The following LRBA variants were observed in gnomAD, a reference collection of about 807,000 sequenced individuals.
LRBA encodes the protein lipopolysaccharide-responsive and beige-like anchor protein.
In LRBA, 176 loss-of-function variants were observed where a neutral mutation model predicts 330.0. That is an observed-to-expected ratio of 0.53 (90% CI 0.47 to 0.60). The LOEUF (loss-of-function observed/expected upper bound fraction) is 0.60. Ranked by LOEUF, LRBA falls within the 20% of genes least tolerant of loss-of-function variation. The pLI is 0.00. For synonymous variants in LRBA, 1,230 were observed against 1,193.0 expected (o/e 1.03, Z -0.64); for missense variants, 3,259 against 3,444.8 (o/e 0.95, Z 1.35).
chr4:150,332,034 G>A (rs1734067418), intron 48 of LRBA, among the ~76,000 whole-genome samples: 1 of 152,054 alleles, frequency 6.6e-6, no homozygotes, highest in African/African-American at 2.4e-5. Context: ...ACAGTTCATG[G>A]CACATACTAA....
rs55743210 is a variant in LRBA at position 150,592,677 on chromosome 4, C to T, written c.6047-1818G>A. Among the ~76,000 whole-genome samples the T allele has an allele frequency of 1.6e-3, 243 of 152,252 alleles. 1 individual carries two copies. The highest frequency in any genetic ancestry group is 3.7e-3 in the Admixed American group (56 of 15,284). On this transcript the variant is annotated intron_variant, in intron 38 of 56. Transcript: ENST00000651943. ...TGAGACAGGATCCTGCTCTGTCACC[C>T]AGGCTGGAGTGCAAAGGCACAATAA...
At chr4:150,486,433 A>G (rs1211813304) in intron 42 of LRBA, among the ~76,000 whole-genome samples, 1 of 151,856 alleles carries the variant, frequency 6.6e-6, no homozygotes, top group African/African-American at 2.4e-5. Flanking sequence ...ATAAAACTTG[A>G]AAGAAAAAAT....
At chr4:150,403,494 T>A (rs1320906637) in intron 47 of LRBA, among the ~76,000 whole-genome samples, 1 of 152,136 alleles carries the variant, frequency 6.6e-6, no homozygotes, top group Non-Finnish European at 1.5e-5. Context: ...TTTCTAGCCA[T>A]CTTTTAACTT....
intron 47 of LRBA, among the ~76,000 whole-genome samples, chr4:150,371,181 A>ATTTTTTTTTTTTTTT (rs1274384749): frequency 5.8e-5 from 8 of 136,816 alleles, no homozygotes; most frequent in African/African-American, 2.2e-4. Flanking sequence ...CAAGCTACTA[A>ATTTTTTTTTTTTTTT]ATTTTTTTTT....
At chr4:150,327,645 C>T (rs764368216) in intron 48 of LRBA, among the ~76,000 whole-genome samples, 14 of 152,328 alleles carry the variant, frequency 9.2e-5, no homozygotes, top group African/African-American at 2.2e-4. Flanking sequence ...AGCTTATCTC[C>T]GTTTCCCATC....
chr4:150,872,538 T>C, intron 18 of LRBA, 125 bp downstream of exon 18: 1 of 601,844 alleles, frequency 1.7e-6, no homozygotes, highest in Admixed American at 3.3e-5. Flanking sequence ...ATTACATTTA[T>C]ACAGCAATTT....
At chr4:150,295,547 A>T (rs1222903734) in intron 53 of LRBA, among the ~76,000 whole-genome samples, 1 of 152,194 alleles carries the variant, frequency 6.6e-6, no homozygotes, top group Non-Finnish European at 1.5e-5. Context: ...GCTCATTATA[A>T]AACATTCAGA....
At chr4:150,799,419 A>G (rs995001407) in intron 33 of LRBA, among the ~76,000 whole-genome samples, 3 of 152,228 alleles carry the variant, frequency 2.0e-5, no homozygotes, top group Non-Finnish European at 4.4e-5. Context: ...CTGCAGGTGT[A>G]GCCCTCTGCT....
intron 47 of LRBA, among the ~76,000 whole-genome samples, chr4:150,391,920 G>A (rs921155621): frequency 3.0e-5 from 4 of 133,852 alleles, no homozygotes; most frequent in African/African-American, 1.1e-4. Flanking sequence ...ACTGTCATCT[G>A]AGTAACATAA....
At chr4:150,425,747 A>G (rs1464954331) in intron 46 of LRBA, among the ~76,000 whole-genome samples, 1 of 152,176 alleles carries the variant, frequency 6.6e-6, no homozygotes, top group Non-Finnish European at 1.5e-5. Context: ...CCAAAAAGAA[A>G]CAAGATAATC....
intron 37 of LRBA, among the ~76,000 whole-genome samples, chr4:150,602,224 C>T (rs1407922575): frequency 6.6e-6 from 1 of 152,132 alleles, no homozygotes; most frequent in Non-Finnish European, 1.5e-5. Flanking sequence ...AAAAGACCAA[C>T]AATTTCAATA....
chr4:150,640,681 C>T (rs962955220), intron 37 of LRBA, among the ~76,000 whole-genome samples: 1 of 152,170 alleles, frequency 6.6e-6, no homozygotes, highest in Non-Finnish European at 1.5e-5. Flanking sequence ...ATAGTTAATA[C>T]TCCTTTTATC....
chr4:150,331,331 T>C (rs1021373996), intron 48 of LRBA, among the ~76,000 whole-genome samples: 2 of 152,048 alleles, frequency 1.3e-5, no homozygotes, highest in South Asian at 4.2e-4. Context: ...GCAAGGTGGG[T>C]TGGTAATAGG....
At position 150,321,360 on chromosome 4, in the gene LRBA, C is replaced by A; in HGVS notation, c.7461G>T (p.Leu2487Phe). 6.3e-7 allele frequency: 1 copy of A among 1,596,288 alleles called. No individual in the cohort carries two copies. The highest frequency in any genetic ancestry group is 8.5e-7 in the Non-Finnish European group (1 of 1,174,348). ...CCTGCTGGGCTTTGTCTGTGAACAT[C>A]AATGGACTCTGCAGGAGGAGATACT... ...PRGSAMQVSPLMFTDKAQQDV... is the reference protein window; with the variant it reads ...PRGSAMQVSPFMFTDKAQQDV... Residue 2487 changes from leucine to phenylalanine, a missense_variant, in exon 50 of 57, where the codon TTG (leucine) becomes TTT (phenylalanine). Physicochemically the swap from Leu to Phe is conservative, Grantham distance 22. Transcript: ENST00000651943. This position sits in a 1 kb window ranked among gnomAD's most constrained non-coding sequence, Gnocchi z 4.5.
intron 47 of LRBA, among the ~76,000 whole-genome samples, chr4:150,370,874 T>TA (rs1740180976): frequency 6.6e-6 from 1 of 152,188 alleles, no homozygotes; most frequent in African/African-American, 2.4e-5. Flanking sequence ...ATGATGTTTA[T>TA]ATTTTTCTCC....
intron 47 of LRBA, 145 bp downstream of exon 47, chr4:150,415,293 T>C (rs113855508): frequency 1.2e-5 from 7 of 564,330 alleles, no homozygotes; most frequent in Middle Eastern, 3.5e-4. Context: ...TATACAAGGA[T>C]TCTTGAGCTA....
At chr4:150,379,198 G>A (rs183511567) in intron 47 of LRBA, among the ~76,000 whole-genome samples, 1 of 151,140 alleles carries the variant, frequency 6.6e-6, no homozygotes, top group East Asian at 2.0e-4. Context: ...AGCTACTTGG[G>A]AGGCTGAGGC....
chr4:150,869,445 T>G (rs1753159112), intron 20 of LRBA, among the ~76,000 whole-genome samples: 2 of 152,086 alleles, frequency 1.3e-5, no homozygotes, highest in Admixed American at 1.3e-4. Flanking sequence ...TCCCAGAACT[T>G]TGGGAGGCTG....
At chr4:150,654,823 T>C (rs1304584420) in intron 37 of LRBA, among the ~76,000 whole-genome samples, 1 of 152,124 alleles carries the variant, frequency 6.6e-6, no homozygotes, top group Non-Finnish European at 1.5e-5. Flanking sequence ...GATAGTTTGC[T>C]GAGAATGATG....
Sources: gnomAD v4.1 joint callset for allele counts (sites outside exome capture counted in the v4.1 genomes callset) on GRCh38, gnomAD v4.1.1 for gene constraint, Gnocchi (gnomAD v3.1) non-coding constraint, MANE v1.5 for transcripts, NCBI Gene and HGNC (gene_info 2026-07-23, HGNC 2026-07-21) for gene names.